Variants in DIPK1A observed in about 807,000 individuals in gnomAD.
DIPK1A encodes the protein family with sequence similarity 69 member A.
A neutral mutation model predicts 40.8 loss-of-function variants in DIPK1A; 27 were observed. The ratio of observed to expected loss-of-function variants is 0.66; its 90% CI spans 0.49 to 0.91. The LOEUF (loss-of-function observed/expected upper bound fraction) is 0.91, where lower values mean the gene tolerates loss of function less well. DIPK1A is among the 40% of genes least tolerant of loss of function. The pLI, the probability that DIPK1A is intolerant of heterozygous loss-of-function variation, is 0.00. For missense variants in DIPK1A, 412 were observed against 505.7 expected (o/e 0.81, Z 1.78); for synonymous variants, 166 against 171.3 (o/e 0.97, Z 0.24).
At chr1:92,836,569 A>AT in intron 4 of DIPK1A, 1 of 635,366 alleles carries the variant, frequency 1.6e-6, no homozygotes, top group Admixed American at 2.6e-5. Flanking sequence ...CATTTTATAA[A>AT]TTAAGAGTCT....
chr1:92,908,583 G>A (rs1649714483), intron 1 of DIPK1A, among the ~76,000 whole-genome samples: 1 of 152,152 alleles, frequency 6.6e-6, no homozygotes, highest in Admixed American at 6.5e-5. Flanking sequence ...AGTAGGAGGT[G>A]TGATATTAAA....
chr1:92,842,784 AT>A lies in DIPK1A; in HGVS notation c.*598del. ...AAATTGGTGTACTGTCAAGTATAAGATTTCTTGAAGTAAGCCACTTGAACCA... is the reference window on the plus strand; with the variant it reads ...AAATTGGTGTACTGTCAAGTATAAGATTCTTGAAGTAAGCCACTTGAACCA... On this transcript the variant is annotated 3_prime_UTR_variant, in exon 5 of 5. Coordinates refer to ENST00000370310, the MANE Select transcript of DIPK1A (RefSeq NM_001006605.5). 2 of 985,404 alleles carry A rather than the reference AT, an allele frequency of 2.0e-6. No individual in the cohort carries two copies. The highest frequency in any genetic ancestry group is 2.4e-6 in the Non-Finnish European group (2 of 829,902). The allele number at this position is 985,404 out of a possible 1,614,324, so 61.0% of individuals were successfully genotyped here. A position where few individuals can be genotyped will look rare whatever the true frequency, so the allele number is the denominator to read the frequency against.
intron 1 of DIPK1A, among the ~76,000 whole-genome samples, chr1:92,956,912 T>G (rs917640084): frequency 5.3e-5 from 8 of 152,196 alleles, no homozygotes; most frequent in African/African-American, 1.9e-4. Context: ...CAAAACGGCT[T>G]GAAAACCTTC....
downstream of DIPK1A, chr1:92,841,924 A>G (rs565661827): frequency 1.4e-5 from 19 of 1,319,166 alleles, no homozygotes; most frequent in South Asian, 1.8e-4. Flanking sequence ...AACAGCAACT[A>G]TTTCTGTGTT....
chr1:92,927,018 T>C (rs1039715813), intron 1 of DIPK1A, among the ~76,000 whole-genome samples: 1 of 152,216 alleles, frequency 6.6e-6, no homozygotes. Flanking sequence ...CTGGCCATTT[T>C]AGTGTTTTGC....
At position 92,843,783 on chromosome 1, in the gene DIPK1A, C is replaced by G; in HGVS notation, c.887G>C (p.Ser296Thr). 1 of 1,551,852 alleles carries G rather than the reference C, an allele frequency of 6.4e-7. No individual in the cohort carries two copies. The highest frequency in any genetic ancestry group is 8.7e-7 in the Non-Finnish European group (1 of 1,147,034). The change falls in exon 5 of 5, where the codon AGT (serine) becomes ACT (threonine). Residue 296 changes from serine to threonine, a missense_variant. Transcript: ENST00000370310. ...ATCATTATATCCTAGGTTTTTGGCA[C>G]TAGTATCGCACATGAGGAAATTTCC... ...PYGNFLMCDT[S>T]AKNLGYNDKY...
At chr1:92,874,799 G>T (rs1648038582) in intron 2 of DIPK1A, among the ~76,000 whole-genome samples, 2 of 152,080 alleles carry the variant, frequency 1.3e-5, no homozygotes, top group South Asian at 4.2e-4. Context: ...ACAGAATTAG[G>T]ATCAAATTCT....
chr1:92,940,118 A>G (rs1400308645), intron 1 of DIPK1A, among the ~76,000 whole-genome samples: 1 of 152,176 alleles, frequency 6.6e-6, no homozygotes, highest in African/African-American at 2.4e-5. Flanking sequence ...TTTTCCATAC[A>G]TGGGGAGCTA....
At chr1:92,924,862 G>A (rs761679734) in intron 1 of DIPK1A, among the ~76,000 whole-genome samples, 4 of 152,190 alleles carry the variant, frequency 2.6e-5, no homozygotes, top group Non-Finnish European at 4.4e-5. Flanking sequence ...ATGGGCCTTC[G>A]GCTCCCTGCA....
chr1:92,866,484 CCTTT>C (rs1369880955), intron 2 of DIPK1A, among the ~76,000 whole-genome samples: 1 of 152,172 alleles, frequency 6.6e-6, no homozygotes, highest in Non-Finnish European at 1.5e-5. Flanking sequence ...ATTCATAGAT[CCTTT>C]CTTTCTTTAC....
At chr1:92,869,412 G>A (rs1186235093) in intron 2 of DIPK1A, among the ~76,000 whole-genome samples, 1 of 152,008 alleles carries the variant, frequency 6.6e-6, no homozygotes. Flanking sequence ...TCCCACCTTG[G>A]CCTCCTAAAG....
chr1:92,866,948 G>C (rs1002271130), intron 2 of DIPK1A, among the ~76,000 whole-genome samples: 1 of 152,076 alleles, frequency 6.6e-6, no homozygotes, highest in Non-Finnish European at 1.5e-5. Flanking sequence ...TGATACACCT[G>C]ATTAAATAAT....
downstream of DIPK1A, chr1:92,842,144 A>G (rs987491471): frequency 2.1e-5 from 22 of 1,041,726 alleles, no homozygotes; most frequent in Non-Finnish European, 2.5e-5. Flanking sequence ...TTGGCAAGCA[A>G]CAGACCAACC....
At position 92,961,409 on chromosome 1, in the gene DIPK1A, C is replaced by G. The variant is rs767529723; in HGVS notation, c.21G>C (p.Pro7=). 3.3e-6 allele frequency: 5 copies of G among 1,527,770 alleles called. No homozygotes were observed. The highest frequency in any genetic ancestry group is 1.2e-5 in the South Asian group (1 of 84,326). The allele number at this position is 1,527,770 out of a possible 1,614,324, so 94.6% of individuals were successfully genotyped here. A position where few individuals can be genotyped will look rare whatever the true frequency, so the allele number is the denominator to read the frequency against. The change falls in exon 1 of 5, where the codon CCG becomes CCC. Residue 7 remains proline, a synonymous_variant. Coordinates refer to ENST00000370310, the MANE Select transcript of DIPK1A (RefSeq NM_001006605.5). The part of the protein sequence containing the change: MARSLC[P]GAWLRKPYYL... ...AATAGGGTTTCCTTAGCCAGGCCCCCGGACAGAGACTCCTCGCCATGGTAA... is the reference window on the plus strand; with the variant it reads ...AATAGGGTTTCCTTAGCCAGGCCCCGGGACAGAGACTCCTCGCCATGGTAA...
intron 1 of DIPK1A, among the ~76,000 whole-genome samples, chr1:92,929,354 TCTC>T (rs2100868719): frequency 6.6e-6 from 1 of 152,352 alleles, no homozygotes; most frequent in East Asian, 1.9e-4. Context: ...TGAAAGCTCT[TCTC>T]CATTCTTTTA....
chr1:92,851,038 G>T, intron 2 of DIPK1A, 83 bp from the exon 3 acceptor site: 1 of 871,306 alleles, frequency 1.1e-6, no homozygotes, highest in Non-Finnish European at 1.8e-6. Context: ...TCCTTTATGA[G>T]TAAGTTCTAT....
Position 92,959,903 on chromosome 1 carries a change from C to CTTTTTTTTTTTTTT in DIPK1A, c.54+1459_54+1472dup, listed in dbSNP as rs1157142089. Among the ~76,000 whole-genome samples, 182 of 47,858 alleles carry CTTTTTTTTTTTTTT rather than the reference C, an allele frequency of 3.8e-3. 11 individuals are homozygous for CTTTTTTTTTTTTTT. Among genetic ancestry groups the CTTTTTTTTTTTTTT allele is most frequent in the African/African-American group, 9.5e-3 (86 of 9,076 alleles). 31.4% of individuals were successfully genotyped at this position (47,858 alleles called of 152,430 possible). A position where few individuals can be genotyped will look rare whatever the true frequency, so the allele number is the denominator to read the frequency against. Reference sequence around the variant, plus strand: ...GCTGGGACCACAGGCACCCAACCAACTTTTTTTTTTTTTTTTTTTTTTTTG... The same window carrying CTTTTTTTTTTTTTT: ...GCTGGGACCACAGGCACCCAACCAACTTTTTTTTTTTTTTTTTTTTTTTTTTTTTTTTTTTTTTG... On this transcript the variant is annotated intron_variant, in intron 1 of 4. Transcript: ENST00000370310.
intron 2 of DIPK1A, among the ~76,000 whole-genome samples, chr1:92,853,542 C>CTG (rs1195446429): frequency 2.0e-5 from 3 of 152,188 alleles, no homozygotes; most frequent in Admixed American, 6.5e-5. Flanking sequence ...TGAGACTCGC[C>CTG]TGTGTCCTAA....
downstream of DIPK1A, among the ~76,000 whole-genome samples, chr1:92,840,009 T>A (rs77244423): frequency 7.7e-6 from 1 of 130,408 alleles, no homozygotes; most frequent in African/African-American, 3.3e-5. Context: ...GCCCTGCTAA[T>A]TTTTTTTTTT....
Sources: allele counts gnomAD v4.1 joint callset (sites outside exome capture counted in the v4.1 genomes callset), GRCh38; gene constraint gnomAD v4.1.1; transcripts MANE v1.5; gene names NCBI Gene and HGNC (gene_info 2026-07-23, HGNC 2026-07-21).